SAP130: variants seen among roughly 807,000 people sequenced by gnomAD.
The protein encoded by SAP130 is histone deacetylase complex subunit SAP130.
In SAP130, 16 loss-of-function variants were observed where a neutral mutation model predicts 103.2. The ratio of observed to expected loss-of-function variants is 0.16; its 90% CI spans 0.10 to 0.24. The LOEUF (loss-of-function observed/expected upper bound fraction) is 0.24, where lower values mean the gene tolerates loss of function less well. SAP130 is among the 10% of genes least tolerant of loss of function. The pLI is 1.00. For missense variants in SAP130, 990 were observed against 1,359.7 expected, an observed-to-expected ratio of 0.73 and a Z score of 4.28; for synonymous variants, 477 against 497.0, an observed-to-expected ratio of 0.96 and a Z score of 0.53.
rs200604530 is a variant in SAP130 at position 127,950,150 on chromosome 2, T to C, written c.2671+10A>G. ...AAGCATCATAACACAAGTCAGCCTG[T>C]GACCATTACCAATATACTCCTTGGG... On this transcript the variant is annotated intron_variant, in intron 17 of 20. Transcript: ENST00000643581. 372 of 1,614,166 alleles carry C rather than the reference T, an allele frequency of 2.3e-4. 4 individuals carry two copies. The Middle Eastern group carries it at 0.012, about 54-fold the overall frequency.
intron 15 of SAP130, among the ~76,000 whole-genome samples, chr2:127,965,067 T>C (rs1005753841): frequency 1.4e-5 from 2 of 142,338 alleles, no homozygotes; most frequent in Non-Finnish European, 3.0e-5. Flanking sequence ...GAGGCCAAGG[T>C]GGGCAGATCG....
intron 16 of SAP130, among the ~76,000 whole-genome samples, chr2:127,952,610 C>A (rs1386720963): frequency 1.3e-5 from 2 of 152,230 alleles, no homozygotes; most frequent in Non-Finnish European, 2.9e-5. Context: ...TTTACCCCAT[C>A]ATTACAGAAA....
chr2:127,947,306 A>G (rs1351549780), intron 18 of SAP130, among the ~76,000 whole-genome samples: 2 of 152,210 alleles, frequency 1.3e-5, no homozygotes. Flanking sequence ...TTGTTATGGC[A>G]ACCCTAGGAA....
intron 12 of SAP130, among the ~76,000 whole-genome samples, chr2:127,991,726 T>A (rs1190396465): frequency 6.6e-6 from 1 of 152,232 alleles, no homozygotes; most frequent in Non-Finnish European, 1.5e-5. Context: ...TCTCATGAAT[T>A]TTTATCAGAA....
chr2:128,014,319 A>G (rs1684611858), intron 5 of SAP130, among the ~76,000 whole-genome samples: 1 of 151,512 alleles, frequency 6.6e-6, no homozygotes, highest in South Asian at 2.1e-4. Context: ...CTGCCTCCCG[A>G]GCTCAAGCCA....
intron 18 of SAP130, among the ~76,000 whole-genome samples, chr2:127,947,765 T>TGTGTGAGA (rs1553500436): frequency 1.9e-4 from 1 of 5,168 alleles, no homozygotes; most frequent in African/African-American, 3.4e-4. Flanking sequence ...TGTGTGTGTC[T>TGTGTGAGA]GTGTGTGTGT....
At chr2:127,965,205 G>A (rs970740443) in intron 15 of SAP130, among the ~76,000 whole-genome samples, 1 of 150,518 alleles carries the variant, frequency 6.6e-6, no homozygotes. Flanking sequence ...GCTGAGGCAG[G>A]AGAATCGCTT....
At chr2:127,961,204 A>G (rs1038832905) in intron 15 of SAP130, among the ~76,000 whole-genome samples, 13 of 151,854 alleles carry the variant, frequency 8.6e-5, no homozygotes, top group Middle Eastern at 6.8e-3. Flanking sequence ...TGTCCAGGCT[A>G]GTCTCAAACT....
At chr2:127,954,585 T>G (rs1206376275) in intron 16 of SAP130, among the ~76,000 whole-genome samples, 1 of 152,188 alleles carries the variant, frequency 6.6e-6, no homozygotes, top group Non-Finnish European at 1.5e-5. Flanking sequence ...GCAACACAAA[T>G]CTTACTTGAT....
In SAP130 at chr2:127,942,640, G is replaced by A. The variant is rs1427508928; in HGVS notation, c.2902-103C>T. The A allele has an allele frequency of 2.9e-6, 2 of 696,448 alleles. No homozygotes were observed. The highest frequency in any genetic ancestry group is 5.1e-6 in the Non-Finnish European group (2 of 392,680). 43.1% of individuals were successfully genotyped at this position (696,448 alleles called of 1,614,324 possible). A position where few individuals can be genotyped will look rare whatever the true frequency, so the allele number is the denominator to read the frequency against. Reference sequence around the variant, plus strand: ...TCAATCACCTTTGTAAACTGTCTAAGAGTTGTTTGGGTGACAACGTCCTTT... The same window carrying A: ...TCAATCACCTTTGTAAACTGTCTAAAAGTTGTTTGGGTGACAACGTCCTTT... On this transcript the variant is annotated intron_variant, in intron 19 of 20. Coordinates refer to ENST00000643581, the MANE Select transcript of SAP130 (RefSeq NM_001330301.2). The surrounding 1 kb of genome is among the most constrained non-coding windows in gnomAD (Gnocchi z 4.8).
At chr2:127,991,496 A>G (rs1301303561) in intron 12 of SAP130, among the ~76,000 whole-genome samples, 1 of 151,670 alleles carries the variant, frequency 6.6e-6, no homozygotes, top group Non-Finnish European at 1.5e-5. Flanking sequence ...GCACCACACC[A>G]TGCCTGGCTA....
At chr2:127,965,287 C>T (rs1559048467) in intron 15 of SAP130, among the ~76,000 whole-genome samples, 1 of 152,030 alleles carries the variant, frequency 6.6e-6, no homozygotes, top group Non-Finnish European at 1.5e-5. Context: ...CAGAGCGAGA[C>T]TCCGTCTCTA....
In SAP130 at chr2:127,996,322, G is replaced by A. The variant is rs780517463; in HGVS notation, c.1355+28C>T. 3.8e-6 allele frequency: 6 copies of A among 1,559,530 alleles called. No homozygotes were observed. In the South Asian group the frequency reaches 6.0e-5, roughly 16 times the overall value. On this transcript the variant is annotated intron_variant, in intron 11 of 20. Transcript: ENST00000643581. The surrounding 1 kb of genome is among the most constrained non-coding windows in gnomAD (Gnocchi z 4.3). ...GCAGAACGATTAATGACACAGTGAGGCAGAATAACTGACACACAGCCTCCT... is the reference window on the plus strand; with the variant it reads ...GCAGAACGATTAATGACACAGTGAGACAGAATAACTGACACACAGCCTCCT...
Position 127,999,857 on chromosome 2 carries a change from G to T in SAP130, c.1109-12C>A. 4 of 1,515,324 alleles carry T rather than the reference G, an allele frequency of 2.6e-6. No homozygotes were observed. Among genetic ancestry groups the T allele is most frequent in the Non-Finnish European group, 3.5e-6 (4 of 1,129,434 alleles). The allele number at this position is 1,515,324 out of a possible 1,614,324, so 93.9% of individuals were successfully genotyped here. A position where few individuals can be genotyped will look rare whatever the true frequency, so the allele number is the denominator to read the frequency against. ...GTGTGACACAGATCCTGAAATAGGG[G>T]AAAAAAGGAAATTCTTTAACAAGAA... On this transcript the variant is annotated splice_polypyrimidine_tract_variant and intron_variant, in intron 9 of 20. Transcript: ENST00000643581.
intron 18 of SAP130, among the ~76,000 whole-genome samples, chr2:127,948,255 T>C (rs769753377): frequency 7.9e-5 from 12 of 152,132 alleles, no homozygotes; most frequent in Non-Finnish European, 1.3e-4. Context: ...ATAACTAGTA[T>C]GTAAGGCTTA....
intron 5 of SAP130, 82 bp from the exon 6 acceptor site, chr2:128,013,236 T>G (rs1027419905): frequency 1.4e-5 from 18 of 1,332,090 alleles, no homozygotes; most frequent in African/African-American, 1.5e-5. Context: ...AAAACTCAGA[T>G]AGCATGTCAA....
chr2:127,955,988 A>G lies in SAP130; in HGVS notation c.2064-644T>C, dbSNP rs1443596963. On this transcript the variant is annotated intron_variant, in intron 15 of 20. Coordinates refer to ENST00000643581, the MANE Select transcript of SAP130 (RefSeq NM_001330301.2). This position sits in a 1 kb window ranked among gnomAD's most constrained non-coding sequence, Gnocchi z 4.9. ...ATAATATTAATGTATCTTTTCTCCC[A>G]GAATTCCTTAATATATATGTTGTCT... 6.6e-6 allele frequency among the ~76,000 whole-genome samples: 1 copy of G among 152,148 alleles called. No homozygotes were observed. The highest frequency in any genetic ancestry group is 2.4e-5 in the African/African-American group (1 of 41,434).
chr2:127,996,008 C>G lies in SAP130; in HGVS notation c.1355+342G>C, dbSNP rs376391923. On this transcript the variant is annotated intron_variant, in intron 11 of 20. Coordinates refer to ENST00000643581, the MANE Select transcript of SAP130 (RefSeq NM_001330301.2). This position sits in a 1 kb window ranked among gnomAD's most constrained non-coding sequence, Gnocchi z 4.3. ...TCGGAATCCTTTCAGATAGCTGTAC[C>G]GCGGTGACATCAAAGAATGTCTTTA... 2.1e-4 allele frequency among the ~76,000 whole-genome samples: 32 copies of G among 152,108 alleles called. No individual in the cohort carries two copies. The highest frequency in any genetic ancestry group is 3.2e-4 in the Non-Finnish European group (22 of 67,996).
At chr2:128,018,426 A>T (rs1684925626) in intron 2 of SAP130, among the ~76,000 whole-genome samples, 1 of 141,330 alleles carries the variant, frequency 7.1e-6, no homozygotes, top group African/African-American at 2.7e-5. Context: ...CAGAGGTTGC[A>T]GTGAGCCAAG....
Sources: gnomAD v4.1 joint callset for allele counts (sites outside exome capture counted in the v4.1 genomes callset) on GRCh38, gnomAD v4.1.1 for gene constraint, Gnocchi (gnomAD v3.1) non-coding constraint, MANE v1.5 for transcripts, NCBI Gene and HGNC (gene_info 2026-07-23, HGNC 2026-07-21) for gene names.